Variants in TMEM71 observed in about 807,000 individuals in gnomAD.
TMEM71 encodes the protein transmembrane protein 71.
Under a neutral mutation model 38.0 loss-of-function variants are expected in TMEM71, and 44 were observed. The observed-to-expected ratio is 1.16, with a 90% CI of 0.91 to 1.49. The LOEUF (loss-of-function observed/expected upper bound fraction) is 1.49. TMEM71 is among the 40% of genes most tolerant of loss of function. TMEM71 has a pLI of 0.00. For synonymous variants in TMEM71, 133 were observed against 122.5 expected, an observed-to-expected ratio of 1.09 and a Z score of -0.56; for missense variants, 367 against 348.6, an observed-to-expected ratio of 1.05 and a Z score of -0.42.
In TMEM71 at chr8:132,756,411, T is replaced by TTATATATATATATATA. The variant is rs55767264; in HGVS notation, c.101+807_101+822dup. Among the ~76,000 whole-genome samples, 517 of 115,672 alleles carry TTATATATATATATATA rather than the reference T, an allele frequency of 4.5e-3. 6 individuals are homozygous for TTATATATATATATATA. The highest frequency in any genetic ancestry group is 6.9e-3 in the African/African-American group (168 of 24,476). The allele number at this position is 115,672 out of a possible 152,430, so 75.9% of individuals were successfully genotyped here. ...CCATATATTGACACTAACATATATA[T>TTATATATATATATATA]TATATATATATATATATATATATAT... On this transcript the variant is annotated intron_variant, in intron 3 of 9. Coordinates refer to ENST00000677595, the MANE Select transcript of TMEM71 (RefSeq NM_001382403.1).
Position 132,722,068 on chromosome 8 carries a change from C to CAGCA in TMEM71, c.720_723dup (p.Val242CysfsTer60), listed in dbSNP as rs571315997. The CAGCA allele has an allele frequency of 2.7e-4, 432 of 1,614,106 alleles. 1 individual carries two copies. The South Asian group carries it at 4.5e-3, about 17-fold the overall frequency. The stretch of plus-strand genomic sequence containing the variant: ...GCACATGCAGAAATGATTAAGCACA[C>CAGCA]AGCAAGCAGGATTGCCTGAAAGAAG... On this transcript the variant is annotated frameshift_variant, in exon 7 of 10. Coordinates refer to ENST00000677595, the MANE Select transcript of TMEM71 (RefSeq NM_001382403.1). LOFTEE classifies it high-confidence loss of function.
At chr8:132,706,420 A>G (rs1409893859), downstream of TMEM71, among the ~76,000 whole-genome samples, 4 of 152,128 alleles carry the variant, frequency 2.6e-5, no homozygotes, top group Non-Finnish European at 5.9e-5. Flanking sequence ...TACAGGTAGT[A>G]GGCTCTCAAA....
At chr8:132,711,830 GGT>G (rs1826253331) in intron 9 of TMEM71, among the ~76,000 whole-genome samples, 1 of 152,000 alleles carries the variant, frequency 6.6e-6, no homozygotes, top group South Asian at 2.1e-4. Context: ...GTGCAGGATG[GGT>G]GTGTGTGTTG....
chr8:132,741,491 T>C (rs1211560316), intron 5 of TMEM71, among the ~76,000 whole-genome samples: 2 of 152,014 alleles, frequency 1.3e-5, no homozygotes, highest in Non-Finnish European at 2.9e-5. Flanking sequence ...ATTTATTGGA[T>C]ACAAAGCAAA....
At chr8:132,757,185 C>T (rs1378118319) in intron 3 of TMEM71, 49 bp downstream of exon 3, 2 of 1,437,454 alleles carry the variant, frequency 1.4e-6, no homozygotes. Flanking sequence ...CATGAGCCAC[C>T]ACGCCCGGCC....
At chr8:132,732,782 T>C (rs1827530209) in intron 5 of TMEM71, among the ~76,000 whole-genome samples, 1 of 152,146 alleles carries the variant, frequency 6.6e-6, no homozygotes, top group East Asian at 1.9e-4. Context: ...TGAGACAGTT[T>C]ACGTTGTCAC....
the TMEM71 span, among the ~76,000 whole-genome samples, chr8:132,775,953 C>T: frequency 6.6e-6 from 1 of 152,140 alleles, no homozygotes; most frequent in Admixed American, 6.5e-5. Context: ...TTTGGCCTGG[C>T]GGTCATTCTC....
chr8:132,722,712 A>G (rs999482167), intron 6 of TMEM71, among the ~76,000 whole-genome samples: 2 of 152,230 alleles, frequency 1.3e-5, no homozygotes, highest in East Asian at 3.9e-4. Flanking sequence ...GACAATTGCA[A>G]CTTTGCATAA....
Position 132,714,276 on chromosome 8 carries a change from T to C in TMEM71, c.753-61A>G. On this transcript the variant is annotated intron_variant, in intron 7 of 9. Coordinates refer to ENST00000677595, the MANE Select transcript of TMEM71 (RefSeq NM_001382403.1). Reference sequence around the variant, plus strand: ...ATTGTGCATTTCCAACCTGTGTGATTTTTTTAGACTTACTATAGAATTATG... The same window carrying C: ...ATTGTGCATTTCCAACCTGTGTGATCTTTTTAGACTTACTATAGAATTATG... 4 of 1,212,136 alleles carry C rather than the reference T, an allele frequency of 3.3e-6. 1 individual carries two copies. The South Asian group carries it at 3.7e-5, about 11-fold the overall frequency. The allele number at this position is 1,212,136 out of a possible 1,614,324, so 75.1% of individuals were successfully genotyped here.
chr8:132,744,835 T>C (rs1003069549), intron 5 of TMEM71, among the ~76,000 whole-genome samples: 2 of 152,144 alleles, frequency 1.3e-5, no homozygotes, highest in Non-Finnish European at 2.9e-5. Context: ...AACAAATTCA[T>C]AGACCCACGA....
intron 8 of TMEM71, 32 bp downstream of exon 8, chr8:132,714,122 T>C: frequency 6.2e-7 from 1 of 1,609,826 alleles, no homozygotes; most frequent in African/African-American, 1.3e-5. Flanking sequence ...AATACAGGCA[T>C]CATTGCAGTA....
intron 5 of TMEM71, among the ~76,000 whole-genome samples, chr8:132,741,779 A>T (rs2467963): frequency 2.2e-4 from 34 of 152,084 alleles, no homozygotes; most frequent in Non-Finnish European, 3.7e-4. Context: ...CACAGGGAGA[A>T]GGTTAGGCCT....
At position 132,710,160 on chromosome 8, in the gene TMEM71, G is replaced by T. The variant is rs1429378852; in HGVS notation, c.*807C>A. 6.6e-6 allele frequency: 1 copy of T among 152,076 alleles called. No homozygotes were observed. Among genetic ancestry groups the T allele is most frequent in the African/African-American group, 2.4e-5 (1 of 41,420 alleles). 9.4% of individuals were successfully genotyped at this position (152,076 alleles called of 1,614,324 possible). A position where few individuals can be genotyped will look rare whatever the true frequency, so the allele number is the denominator to read the frequency against. ...CGCACCAAGTGTGGGGGGTGGAAAG[G>T]GAACATCTACAGCCCTTGAGTCAAG... On this transcript the variant is annotated 3_prime_UTR_variant, in exon 10 of 10. Coordinates refer to ENST00000677595, the MANE Select transcript of TMEM71 (RefSeq NM_001382403.1).
chr8:132,709,588 G>A (rs1393454034), downstream of TMEM71, among the ~76,000 whole-genome samples: 1 of 152,090 alleles, frequency 6.6e-6, no homozygotes, highest in Non-Finnish European at 1.5e-5. Flanking sequence ...TTTTACTGCA[G>A]AAGAGGAGAA....
intron 5 of TMEM71, among the ~76,000 whole-genome samples, chr8:132,743,138 T>C (rs1157677083): frequency 1.3e-5 from 2 of 152,022 alleles, no homozygotes; most frequent in African/African-American, 4.8e-5. Context: ...AACCGTATCA[T>C]GACACATGCT....
At chr8:132,719,124 C>T (rs1289294282) in intron 7 of TMEM71, among the ~76,000 whole-genome samples, 2 of 152,100 alleles carry the variant, frequency 1.3e-5, no homozygotes, top group South Asian at 4.1e-4. Context: ...TAATTGCTAC[C>T]CAGATCAAGA....
chr8:132,735,777 T>A (rs1021035637), intron 5 of TMEM71, among the ~76,000 whole-genome samples: 2 of 152,200 alleles, frequency 1.3e-5, no homozygotes, highest in Non-Finnish European at 2.9e-5. Flanking sequence ...TTCTCAGACT[T>A]TAGTCATCCA....
the TMEM71 span, chr8:132,775,337 G>T: frequency 2.9e-6 from 1 of 348,664 alleles, no homozygotes; most frequent in Non-Finnish European, 5.2e-6. Flanking sequence ...GGCCAGGCCC[G>T]CTTCCGGCAC....
intron 5 of TMEM71, among the ~76,000 whole-genome samples, chr8:132,745,866 G>A (rs1477768592): frequency 2.0e-5 from 3 of 151,720 alleles, no homozygotes; most frequent in East Asian, 3.9e-4. Flanking sequence ...GCCCTTTGCA[G>A]CAACATGGCT....
Sources: allele counts gnomAD v4.1 joint callset (sites outside exome capture counted in the v4.1 genomes callset), GRCh38; gene constraint gnomAD v4.1.1; transcripts MANE v1.5; gene names NCBI Gene and HGNC (gene_info 2026-07-23, HGNC 2026-07-21).